PRKCB: variants seen among roughly 807,000 people sequenced by gnomAD.
The protein encoded by PRKCB is protein kinase C beta type.
Under a neutral mutation model 81.5 loss-of-function variants are expected in PRKCB, and 13 were observed. That is an observed-to-expected ratio of 0.16 (90% CI 0.10 to 0.25). The LOEUF (loss-of-function observed/expected upper bound fraction) is 0.25. Ranked by LOEUF, PRKCB falls within the 10% of genes least tolerant of loss-of-function variation. PRKCB has a pLI of 1.00. For synonymous variants in PRKCB, 335 were observed against 321.4 expected, an observed-to-expected ratio of 1.04 and a Z score of -0.45; for missense variants, 509 against 875.7, an observed-to-expected ratio of 0.58 and a Z score of 5.29.
At chr16:24,118,860 A>C (rs1372607305) in intron 8 of PRKCB, among the ~76,000 whole-genome samples, 1 of 152,124 alleles carries the variant, frequency 6.6e-6, no homozygotes, top group African/African-American at 2.4e-5. Context: ...CCTTGGAACA[A>C]TGGGATATTT....
chr16:24,123,866 C>T lies in PRKCB; in HGVS notation c.950C>T (p.Pro317Leu), dbSNP rs202044032. 3.2e-5 allele frequency: 52 copies of T among 1,614,044 alleles called. No individual in the cohort carries two copies. The highest frequency in any genetic ancestry group is 3.3e-4 in the Middle Eastern group (2 of 6,062). Reference protein sequence around the residue: ...RAKISQGTKVPEEKTTNTVSK... With the variant: ...RAKISQGTKVLEEKTTNTVSK... ...AAGATCAGTCAGGGAACCAAGGTCCCGGAAGAAAAGACGACCAACACTGTC... is the reference window on the plus strand; with the variant it reads ...AAGATCAGTCAGGGAACCAAGGTCCTGGAAGAAAAGACGACCAACACTGTC... The change falls in exon 9 of 17, where the codon CCG becomes CTG. Residue 317 changes from proline (P) to leucine (L), a missense_variant. By Grantham distance (98) the Pro-to-Leu change is moderately conservative. Around this residue, in one of 6 missense-constraint regions of PRKCB, gnomAD observed 80 missense variants for 89.4 expected, o/e 0.90. Coordinates refer to ENST00000643927, the MANE Select transcript of PRKCB (RefSeq NM_002738.7).
At chr16:24,160,254 A>G (rs1364160641) in intron 10 of PRKCB, among the ~76,000 whole-genome samples, 2 of 150,882 alleles carry the variant, frequency 1.3e-5, no homozygotes, top group Non-Finnish European at 2.9e-5. Context: ...GGGATATTGC[A>G]AGGATTAGAT....
At chr16:23,919,059 A>C (rs1023544310) in intron 2 of PRKCB, among the ~76,000 whole-genome samples, 3 of 152,222 alleles carry the variant, frequency 2.0e-5, no homozygotes, top group Non-Finnish European at 4.4e-5. Context: ...TAAACCTTCT[A>C]AGGTGACTAT....
intron 2 of PRKCB, among the ~76,000 whole-genome samples, chr16:23,908,977 T>G (rs1373915049): frequency 1.3e-5 from 2 of 152,230 alleles, no homozygotes; most frequent in Non-Finnish European, 2.9e-5. Context: ...GTCCTTAGCA[T>G]GCTCCCTGCA....
At chr16:23,894,458 C>T (rs1963340987) in intron 2 of PRKCB, among the ~76,000 whole-genome samples, 1 of 152,198 alleles carries the variant, frequency 6.6e-6, no homozygotes. Context: ...ACCTAGAGTA[C>T]ATGCATTTCC....
chr16:24,167,717 G>C (rs966800813), intron 10 of PRKCB, among the ~76,000 whole-genome samples: 3 of 152,188 alleles, frequency 2.0e-5, no homozygotes, highest in Non-Finnish European at 2.9e-5. Context: ...ACAATGTCTA[G>C]CTCAGAACCT....
intron 2 of PRKCB, among the ~76,000 whole-genome samples, chr16:23,930,552 G>A (rs1160669265): frequency 8.4e-6 from 1 of 118,460 alleles, no homozygotes; most frequent in East Asian, 2.6e-4. Flanking sequence ...CTGGGTGAGA[G>A]AGTGAGAACC....
chr16:23,868,653 T>A (rs2141097302), intron 2 of PRKCB, among the ~76,000 whole-genome samples: 1 of 152,374 alleles, frequency 6.6e-6, no homozygotes, highest in South Asian at 2.1e-4. Context: ...AATGTCTTGA[T>A]ATCAATTAAT....
intron 2 of PRKCB, among the ~76,000 whole-genome samples, chr16:23,874,968 G>T (rs1473960789): frequency 1.3e-5 from 2 of 151,358 alleles, no homozygotes; most frequent in African/African-American, 4.9e-5. Flanking sequence ...CTGTCTTCCA[G>T]CCTGATCACC....
intron 3 of PRKCB, among the ~76,000 whole-genome samples, chr16:24,019,775 GA>G (rs200394974): frequency 0.01 from 1,498 of 147,870 alleles, 31 homozygotes; most frequent in African/African-American, 0.034. Context: ...AAAAAAAAAA[GA>G]AAAAAAAATG....
At chr16:23,920,887 T>C (rs1963814338) in intron 2 of PRKCB, among the ~76,000 whole-genome samples, 1 of 152,116 alleles carries the variant, frequency 6.6e-6, no homozygotes. Flanking sequence ...TGAGACCAGG[T>C]AATTTATAAA....
At chr16:24,096,583 G>A (rs72779971) in intron 7 of PRKCB, among the ~76,000 whole-genome samples, 6,688 of 148,862 alleles carry the variant, frequency 0.045, 165 homozygotes, top group Non-Finnish European at 0.06. Context: ...ATGTACTGGG[G>A]TGTTGTTTTC....
chr16:24,111,900 C>T lies in PRKCB; in HGVS notation c.822-1073C>T, dbSNP rs960177301. On this transcript the variant is annotated intron_variant, in intron 7 of 16. Coordinates refer to ENST00000643927, the MANE Select transcript of PRKCB (RefSeq NM_002738.7). ...AGTGCTGTGCTTATCATTTTACATGCGTCATTACATTTCAATTTCACAAGA... is the reference window on the plus strand; with the variant it reads ...AGTGCTGTGCTTATCATTTTACATGTGTCATTACATTTCAATTTCACAAGA... Among the ~76,000 whole-genome samples, 6 of 152,234 alleles carry T rather than the reference C, an allele frequency of 3.9e-5. No homozygotes were observed. The South Asian group carries it at 6.2e-4, about 16-fold the overall frequency.
At chr16:24,150,014 CTT>C (rs1967054032) in intron 9 of PRKCB, among the ~76,000 whole-genome samples, 1 of 152,144 alleles carries the variant, frequency 6.6e-6, no homozygotes, top group Non-Finnish European at 1.5e-5. Context: ...TTTTATTCCT[CTT>C]TGCCTGCACA....
At chr16:24,103,640 T>C (rs572668332) in intron 7 of PRKCB, among the ~76,000 whole-genome samples, 1 of 152,326 alleles carries the variant, frequency 6.6e-6, no homozygotes, top group Admixed American at 6.5e-5. Context: ...GTTTGGGGTA[T>C]GAATGATTCC....
rs1387469404 is a variant in PRKCB at position 24,179,852 on chromosome 16, ATT to A, written c.1395-936_1395-935del. Reference sequence around the variant, plus strand: ...TTGTTATCTTTTTCCCAGCACTGAAATTTAATCTGAAGAACAGGAGGCTTGCT... The same window carrying A: ...TTGTTATCTTTTTCCCAGCACTGAAATAATCTGAAGAACAGGAGGCTTGCT... On this transcript the variant is annotated intron_variant, in intron 12 of 16. Transcript: ENST00000643927. Among the ~76,000 whole-genome samples, 3 of 152,202 alleles carry A rather than the reference ATT, an allele frequency of 2.0e-5. No individual in the cohort carries two copies. The East Asian group carries it at 5.8e-4, about 29-fold the overall frequency.
chr16:23,836,426 TGCGCCCTCC>T (rs71154240), intron 1 of PRKCB, 78 bp downstream of exon 1: 1,122,743 of 1,512,276 alleles, frequency 0.74, 419,378 homozygotes, highest in Admixed American at 0.79. Flanking sequence ...CCGCGCCCTC[TGCGCCCTCC>T]GCGCCCTCCG....
intron 2 of PRKCB, among the ~76,000 whole-genome samples, chr16:23,851,992 T>C (rs1255685983): frequency 6.6e-6 from 1 of 152,242 alleles, no homozygotes; most frequent in Admixed American, 6.5e-5. Flanking sequence ...ATTGAATTTG[T>C]TGATCAGTTC....
At chr16:24,209,615 T>C (rs1056344201) in intron 16 of PRKCB, among the ~76,000 whole-genome samples, 1 of 151,894 alleles carries the variant, frequency 6.6e-6, no homozygotes, top group Non-Finnish European at 1.5e-5. Context: ...CATCAGCAAA[T>C]CTTGTCAACT....
Sources: allele counts gnomAD v4.1 joint callset (sites outside exome capture counted in the v4.1 genomes callset), GRCh38; gene constraint gnomAD v4.1.1; regional missense constraint gnomAD v4.1.1; transcripts MANE v1.5; gene names NCBI Gene and HGNC (gene_info 2026-07-23, HGNC 2026-07-21).